The following SLC5A11 variants were observed in gnomAD, a reference collection of about 807,000 sequenced individuals.
SLC5A11 encodes the protein sodium/myo-inositol cotransporter 2.
In SLC5A11, 48 loss-of-function variants were observed where a neutral mutation model predicts 69.8. That is an observed-to-expected ratio of 0.69 (90% confidence interval 0.55 to 0.87). SLC5A11 has a LOEUF of 0.87. SLC5A11 is among the 40% of genes least tolerant of loss of function. The pLI, the probability that SLC5A11 is intolerant of heterozygous loss-of-function variation, is 0.00. For synonymous variants in SLC5A11, 319 were observed against 342.4 expected, an observed-to-expected ratio of 0.93 and a Z score of 0.75; for missense variants, 784 against 866.1, an observed-to-expected ratio of 0.91 and a Z score of 1.19.
At chr16:24,904,952 C>T (rs866916048) in intron 10 of SLC5A11, among the ~76,000 whole-genome samples, 1 of 151,932 alleles carries the variant, frequency 6.6e-6, no homozygotes, top group African/African-American at 2.4e-5. Flanking sequence ...CCTCCACCCC[C>T]CGACAGGCCC....
intron 7 of SLC5A11, among the ~76,000 whole-genome samples, chr16:24,882,984 A>G (rs143834468): frequency 1.3e-3 from 200 of 152,274 alleles, no homozygotes; most frequent in African/African-American, 4.6e-3. Flanking sequence ...CCCAACAAGA[A>G]TCCTCTGAGG....
exon 10 of SLC5A11, chr16:24,898,065 T>A: frequency 6.2e-7 from 1 of 1,614,166 alleles, no homozygotes; most frequent in Non-Finnish European, 8.5e-7. Flanking sequence ...CTGCCCCTCT[T>A]CATAATGGTG....
chr16:24,867,192 C>T (rs1324041665), intron 3 of SLC5A11, among the ~76,000 whole-genome samples: 1 of 152,084 alleles, frequency 6.6e-6, no homozygotes, highest in African/African-American at 2.4e-5. Context: ...TGTCTATCCA[C>T]AGTGGAATGA....
chr16:24,871,305 C>G (rs1380259160), intron 4 of SLC5A11, among the ~76,000 whole-genome samples: 1 of 152,156 alleles, frequency 6.6e-6, no homozygotes, highest in Non-Finnish European at 1.5e-5. Flanking sequence ...GGGTCTCGCT[C>G]TGTCGCCCAA....
intron 2 of SLC5A11, among the ~76,000 whole-genome samples, chr16:24,860,906 A>G (rs1465450312): frequency 6.6e-6 from 1 of 151,870 alleles, no homozygotes; most frequent in East Asian, 1.9e-4. Flanking sequence ...ATGGGGTTTC[A>G]CCGTGTTAGC....
At position 24,875,733 on chromosome 16, in the gene SLC5A11, T is replaced by C. The variant is rs1382699215; in HGVS notation, c.477+2T>C. On this transcript the variant is annotated splice_donor_variant, in intron 6 of 15. Transcript: ENST00000347898. LOFTEE classifies it high-confidence loss of function. ...ATCTACATCTTCACCAAGATCTCGGTAAGGCAGGGACACAGCCTGGCCTCA... is the reference window on the plus strand; with the variant it reads ...ATCTACATCTTCACCAAGATCTCGGCAAGGCAGGGACACAGCCTGGCCTCA... The C allele has an allele frequency of 6.2e-7, 1 of 1,612,348 alleles. No individual in the cohort carries two copies. The highest frequency in any genetic ancestry group is 1.1e-5 in the South Asian group (1 of 90,702).
In SLC5A11 at chr16:24,898,191, C is replaced by G. The variant is rs964619930; in HGVS notation, c.1006+82C>G. 10 of 1,503,910 alleles carry G rather than the reference C, an allele frequency of 6.6e-6. No individual in the cohort carries two copies. The African/African-American group carries it at 1.4e-4, about 21-fold the overall frequency. The allele number at this position is 1,503,910 out of a possible 1,614,324, so 93.2% of individuals were successfully genotyped here. A position where few individuals can be genotyped will look rare whatever the true frequency, so the allele number is the denominator to read the frequency against. ...TTATTCTAAACATATTATTAGAAGCCTCAAGAGAATGTGACTACAGTCCTT... is the reference window on the plus strand; with the variant it reads ...TTATTCTAAACATATTATTAGAAGCGTCAAGAGAATGTGACTACAGTCCTT... On this transcript the variant is annotated intron_variant, in intron 10 of 15. Coordinates refer to ENST00000347898, the Ensembl canonical transcript of SLC5A11.
At chr16:24,859,332 A>G (rs274111) in intron 2 of SLC5A11, 109,200 of 151,960 alleles carry the variant, frequency 0.72, 40,197 homozygotes, top group African/African-American at 0.89. Flanking sequence ...TAGAAATGGG[A>G]TCTCAGTATG....
intron 5 of SLC5A11, among the ~76,000 whole-genome samples, chr16:24,873,014 C>A (rs1474456405): frequency 7.7e-6 from 1 of 129,464 alleles, no homozygotes; most frequent in Non-Finnish European, 1.6e-5. Flanking sequence ...GTGGCAGGTG[C>A]CTGTAGTCCC....
chr16:24,868,469 G>C (rs1269999958), intron 3 of SLC5A11, among the ~76,000 whole-genome samples: 1 of 150,972 alleles, frequency 6.6e-6, no homozygotes, highest in Non-Finnish European at 1.5e-5. Context: ...CGTGGTGGCG[G>C]GCGCCTGTAG....
At chr16:24,877,954 A>C (rs1248615897) in intron 7 of SLC5A11, among the ~76,000 whole-genome samples, 2 of 152,186 alleles carry the variant, frequency 1.3e-5, no homozygotes, top group African/African-American at 4.8e-5. Flanking sequence ...ACTGCACTCC[A>C]GCCTGGGTGA....
At position 24,862,565 on chromosome 16, in the gene SLC5A11, G is replaced by A. The variant is rs375527096; in HGVS notation, c.136-36G>A. 7.5e-4 allele frequency: 1,186 copies of A among 1,586,514 alleles called. 7 individuals are homozygous for A. Among genetic ancestry groups the A allele is most frequent in the Admixed American group, 8.7e-4 (52 of 59,716 alleles). ...TTTTGAGATGCCTCTGATTGCTAAC[G>A]TCTTCCCTCACCCACCTCTCTTCTT... On this transcript the variant is annotated intron_variant, in intron 2 of 15. Coordinates refer to ENST00000347898, the Ensembl canonical transcript of SLC5A11.
At chr16:24,854,130 G>C (rs2059426887) in intron 1 of SLC5A11, among the ~76,000 whole-genome samples, 1 of 152,204 alleles carries the variant, frequency 6.6e-6, no homozygotes, top group African/African-American at 2.4e-5. Context: ...GGCAGGCAGA[G>C]GTCTGGAAGG....
intron 5 of SLC5A11, among the ~76,000 whole-genome samples, chr16:24,872,670 A>G (rs561371900): frequency 2.1e-4 from 32 of 149,902 alleles, no homozygotes; most frequent in Admixed American, 5.3e-4. Context: ...AAGCCACCAC[A>G]CCCAGCTAAT....
chr16:24,872,141 A>G lies in SLC5A11; in HGVS notation c.313-19A>G. On this transcript the variant is annotated intron_variant, in intron 4 of 15. Coordinates refer to ENST00000347898, the Ensembl canonical transcript of SLC5A11. ...GTTGTGAGCTGGGGGCCAAGTCCTG[A>G]CTGTGTTTTCTTGAGCAGGGCTTGT... The G allele has an allele frequency of 6.2e-7, 1 of 1,614,056 alleles. No individual in the cohort carries two copies.
chr16:24,878,373 C>A (rs1597128575), intron 7 of SLC5A11, among the ~76,000 whole-genome samples: 2 of 152,140 alleles, frequency 1.3e-5, no homozygotes, highest in Non-Finnish European at 2.9e-5. Context: ...TAGAAGAGTG[C>A]CTGGCACGCA....
intron 10 of SLC5A11, among the ~76,000 whole-genome samples, chr16:24,902,181 T>C (rs999533270): frequency 2.6e-5 from 4 of 152,052 alleles, no homozygotes; most frequent in Non-Finnish European, 5.9e-5. Flanking sequence ...CAAGGAGATA[T>C]CAAAAAGAAT....
chr16:24,870,140 C>G, intron 4 of SLC5A11, 135 bp downstream of exon 5: 1 of 595,988 alleles, frequency 1.7e-6, no homozygotes, highest in South Asian at 2.0e-5. Context: ...CGCCTGTAAT[C>G]TCAGCACTTT....
At chr16:24,866,244 T>A (rs1215529032) in intron 3 of SLC5A11, among the ~76,000 whole-genome samples, 1 of 151,512 alleles carries the variant, frequency 6.6e-6, no homozygotes, top group East Asian at 1.9e-4. Context: ...AGGCAGAGAA[T>A]GGATTTTTTT....
Sources: gnomAD v4.1 joint callset for allele counts (sites outside exome capture counted in the v4.1 genomes callset) on GRCh38, gnomAD v4.1.1 for gene constraint, MANE v1.5 for transcripts, NCBI Gene and HGNC (gene_info 2026-07-23, HGNC 2026-07-21) for gene names.